Variants in CDC14B observed in about 807,000 individuals in gnomAD.
The protein encoded by CDC14B is dual specificity protein phosphatase CDC14B.
Under a neutral mutation model 64.2 loss-of-function variants are expected in CDC14B, and 22 were observed. The observed-to-expected ratio is 0.34, with a 90% CI of 0.24 to 0.49. CDC14B has a LOEUF of 0.49. Ranked by LOEUF, CDC14B falls within the 20% of genes least tolerant of loss-of-function variation. The pLI is 0.99. For missense variants in CDC14B, 498 were observed against 629.9 expected, an observed-to-expected ratio of 0.79 and a Z score of 2.24; for synonymous variants, 191 against 215.8, an observed-to-expected ratio of 0.89 and a Z score of 1.01.
chr9:96,564,839 A>T lies in CDC14B; in HGVS notation c.265T>A (p.Phe89Ile). The T allele has an allele frequency of 6.2e-7, 1 of 1,601,722 alleles. No homozygotes were observed. The highest frequency in any genetic ancestry group is 8.5e-7 in the Non-Finnish European group (1 of 1,173,030). The change falls in exon 3 of 14, where the codon TTT becomes ATT. Residue 89 changes from phenylalanine to isoleucine, a missense_variant. By Grantham distance (21) the Phe-to-Ile change is conservative (BLOSUM62 0). Transcript: ENST00000375241. ...ACCATTGCCAGATTGAGTGGTCCAA[A>T]ATCTGCGTAGAAGCTTTAAAAATGA... ...ELEYENFYAD[F>I]GPLNLAMVYR...
intron 1 of CDC14B, among the ~76,000 whole-genome samples, chr9:96,603,156 A>G (rs1206833715): frequency 8.4e-5 from 4 of 47,544 alleles, no homozygotes; most frequent in African/African-American, 5.6e-4. Flanking sequence ...ATAGAAACGG[A>G]CACACACACA....
intron 1 of CDC14B, among the ~76,000 whole-genome samples, chr9:96,584,189 TTGAA>T (rs1413327004): frequency 6.6e-6 from 1 of 152,204 alleles, no homozygotes; most frequent in Non-Finnish European, 1.5e-5. Context: ...TAAATATGCA[TTGAA>T]TGAACGACTG....
chr9:96,549,788 A>C (rs1216145197), intron 5 of CDC14B, among the ~76,000 whole-genome samples: 2 of 152,246 alleles, frequency 1.3e-5, no homozygotes. Flanking sequence ...AGAATTACTG[A>C]CTGATGCTCC....
downstream of CDC14B, among the ~76,000 whole-genome samples, chr9:96,497,542 AC>A (rs5899291): frequency 0.16 from 24,988 of 152,068 alleles, 2,133 homozygotes; most frequent in Non-Finnish European, 0.18. Context: ...AGTGAGCGTG[AC>A]CCCCTACCCA....
chr9:96,574,372 T>C (rs901635177), intron 1 of CDC14B, among the ~76,000 whole-genome samples: 1 of 151,964 alleles, frequency 6.6e-6, no homozygotes. Context: ...TTTTTGGGTG[T>C]GGGGGAGGGA....
intron 1 of CDC14B, among the ~76,000 whole-genome samples, chr9:96,595,271 T>C (rs1159039227): frequency 6.6e-6 from 1 of 152,212 alleles, no homozygotes; most frequent in Non-Finnish European, 1.5e-5. Flanking sequence ...TCTGAAAGTT[T>C]AAGGTTTATA....
rs1847855983 is a variant in CDC14B, at chr9:96,619,696, G to A, written c.-318C>T. ...CCCGCAGCCGGCTGGCGCGGCCGAG[G>A]CGACGGGGCTGCAGCTGGCGGCCGG... On this transcript the variant is annotated 5_prime_UTR_variant, in exon 1 of 14. Transcript: ENST00000375241. 6.7e-6 allele frequency: 1 copy of A among 149,434 alleles called. No homozygotes were observed. The highest frequency in any genetic ancestry group is 1.5e-5 in the Non-Finnish European group (1 of 67,130). 9.3% of individuals were successfully genotyped at this position (149,434 alleles called of 1,614,324 possible). A position where few individuals can be genotyped will look rare whatever the true frequency, so the allele number is the denominator to read the frequency against.
intron 5 of CDC14B, among the ~76,000 whole-genome samples, chr9:96,545,021 C>G (rs1027516482): frequency 6.6e-6 from 1 of 152,192 alleles, no homozygotes; most frequent in Non-Finnish European, 1.5e-5. Flanking sequence ...CTCAGGGCTA[C>G]CCCACATCTA....
chr9:96,491,159 C>G (rs1023250112), exon 14 of CDC14B: 6 of 152,244 alleles, frequency 3.9e-5, no homozygotes, highest in African/African-American at 2.4e-5. Context: ...GTTGCTCTCC[C>G]CGCTTTCTCA....
intron 3 of CDC14B, among the ~76,000 whole-genome samples, chr9:96,564,326 G>A (rs1843623820): frequency 6.6e-6 from 1 of 152,198 alleles, no homozygotes; most frequent in Admixed American, 6.5e-5. Context: ...AAAGGATCAT[G>A]TAGTACAGTA....
chr9:96,505,959 G>A (rs748611988), intron 13 of CDC14B, among the ~76,000 whole-genome samples: 11 of 152,286 alleles, frequency 7.2e-5, no homozygotes, highest in African/African-American at 1.4e-4. Context: ...CTCTTTTGAC[G>A]TTTTTGAAAA....
chr9:96,533,251 G>C (rs1037797237), intron 9 of CDC14B, among the ~76,000 whole-genome samples: 4 of 152,224 alleles, frequency 2.6e-5, no homozygotes, highest in African/African-American at 9.6e-5. Context: ...TTATAGGCGT[G>C]AGCCACCATG....
At chr9:96,594,868 C>G (rs1409594388) in intron 1 of CDC14B, among the ~76,000 whole-genome samples, 1 of 151,946 alleles carries the variant, frequency 6.6e-6, no homozygotes, top group South Asian at 2.1e-4. Flanking sequence ...ATAATTAGCC[C>G]TTGGCTGGGC....
At chr9:96,531,547 G>T (rs756393643) in intron 9 of CDC14B, among the ~76,000 whole-genome samples, 2 of 151,790 alleles carry the variant, frequency 1.3e-5, no homozygotes, top group Non-Finnish European at 2.9e-5. Context: ...CTAGCTAAAG[G>T]TTTATCATTT....
chr9:96,510,533 G>GT (rs1007866546), intron 12 of CDC14B, among the ~76,000 whole-genome samples: 208 of 146,276 alleles, frequency 1.4e-3, no homozygotes, highest in African/African-American at 2.8e-3. Flanking sequence ...TGGTCCTTTG[G>GT]TTTTTTTTTT....
At chr9:96,616,143 T>C (rs192701629) in intron 1 of CDC14B, among the ~76,000 whole-genome samples, 8 of 151,838 alleles carry the variant, frequency 5.3e-5, no homozygotes, top group Admixed American at 5.2e-4. Flanking sequence ...CTGGCCAACA[T>C]AGTGAAACCC....
intron 13 of CDC14B, among the ~76,000 whole-genome samples, chr9:96,507,725 T>C (rs944256099): frequency 6.6e-6 from 1 of 151,972 alleles, no homozygotes; most frequent in Non-Finnish European, 1.5e-5. Flanking sequence ...GAATTTTTAA[T>C]AGCTTGGCTC....
At chr9:96,492,306 C>T (rs550273249) in exon 14 of CDC14B, 1 of 152,488 alleles carries the variant, frequency 6.6e-6, no homozygotes, top group African/African-American at 2.4e-5. Context: ...ACTGCTAGGC[C>T]TCAGGGGTGT....
intron 1 of CDC14B, among the ~76,000 whole-genome samples, chr9:96,579,195 T>C (rs1367263903): frequency 6.6e-6 from 1 of 152,144 alleles, no homozygotes; most frequent in African/African-American, 2.4e-5. Context: ...ATTCTTATGT[T>C]GAAGCCTTGA....
Sources: allele counts gnomAD v4.1 joint callset (sites outside exome capture counted in the v4.1 genomes callset), GRCh38; gene constraint gnomAD v4.1.1; transcripts MANE v1.5; gene names NCBI Gene and HGNC (gene_info 2026-07-23, HGNC 2026-07-21).